SV2C: variants seen among roughly 807,000 people sequenced by gnomAD.
SV2C encodes synaptic vesicle glycoprotein 2C, also known as solute carrier family 22 member B3.
SV2C carries 49 observed loss-of-function variants against 79.7 expected under a neutral mutation model. The observed-to-expected ratio is 0.61, with a 90% confidence interval of 0.49 to 0.78. The LOEUF (loss-of-function observed/expected upper bound fraction) is 0.78, where lower values mean the gene tolerates loss of function less well. Among genes scored for constraint, SV2C ranks in the 30% least tolerant of loss-of-function variants. The pLI is 0.00. For missense variants in SV2C, 833 were observed against 912.9 expected, an observed-to-expected ratio of 0.91 and a Z score of 1.13; for synonymous variants, 334 against 333.2, an observed-to-expected ratio of 1.00 and a Z score of -0.03.
At chr5:75,858,896 C>T in the SV2C span, among the ~76,000 whole-genome samples, 2 of 152,008 alleles carry the variant, frequency 1.3e-5, no homozygotes, top group African/African-American at 4.8e-5. Context: ...TCATAGTAGT[C>T]TCTAAATGAT....
chr5:75,976,596 C>T, the SV2C span, among the ~76,000 whole-genome samples: 1 of 151,812 alleles, frequency 6.6e-6, no homozygotes, highest in Non-Finnish European at 1.5e-5. Flanking sequence ...AGCAACATGA[C>T]CAATTGAAGA....
intron 4 of SV2C, among the ~76,000 whole-genome samples, chr5:76,279,595 G>A (rs1747121604): frequency 6.6e-6 from 1 of 152,226 alleles, no homozygotes; most frequent in Admixed American, 6.5e-5. Flanking sequence ...ATATGACAAA[G>A]ACTGGTGGCC....
At chr5:76,249,132 G>C (rs930940526) in intron 4 of SV2C, among the ~76,000 whole-genome samples, 2 of 152,118 alleles carry the variant, frequency 1.3e-5, no homozygotes, top group Non-Finnish European at 2.9e-5. Context: ...AAGAGACAAG[G>C]AGAAAAGACT....
chr5:76,022,277 C>A, the SV2C span, among the ~76,000 whole-genome samples: 1 of 152,188 alleles, frequency 6.6e-6, no homozygotes, highest in African/African-American at 2.4e-5. Context: ...TACCTGACTG[C>A]CCATGAGTGA....
chr5:76,074,064 C>T, the SV2C span, among the ~76,000 whole-genome samples: 3 of 152,140 alleles, frequency 2.0e-5, no homozygotes, highest in Non-Finnish European at 4.4e-5. Flanking sequence ...TGGGTCAAAC[C>T]ATCCTGGCCT....
the SV2C span, among the ~76,000 whole-genome samples, chr5:76,046,147 A>G: frequency 1.3e-5 from 2 of 152,208 alleles, no homozygotes; most frequent in African/African-American, 4.8e-5. Context: ...AGTGTCTTCT[A>G]TAAGTCAGGC....
chr5:75,976,275 C>G, the SV2C span, among the ~76,000 whole-genome samples: 9 of 152,238 alleles, frequency 5.9e-5, no homozygotes, highest in African/African-American at 2.2e-4. Flanking sequence ...TATTCATTCT[C>G]TCTCTCACTC....
the SV2C span, among the ~76,000 whole-genome samples, chr5:76,029,461 G>C: frequency 6.7e-6 from 1 of 149,576 alleles, no homozygotes; most frequent in East Asian, 1.9e-4. Context: ...TCATTGAATA[G>C]ACATGAGGTG....
the SV2C span, among the ~76,000 whole-genome samples, chr5:75,889,125 T>C: frequency 6.6e-6 from 1 of 152,116 alleles, no homozygotes; most frequent in Non-Finnish European, 1.5e-5. Context: ...CTGGGATACA[T>C]GTGCAGAACA....
intron 4 of SV2C, among the ~76,000 whole-genome samples, chr5:76,271,446 A>C (rs1195969498): frequency 6.6e-6 from 1 of 152,222 alleles, no homozygotes; most frequent in Non-Finnish European, 1.5e-5. Context: ...AGATGATTTG[A>C]ACAACACAAT....
chr5:76,235,578 C>T (rs11952928), intron 4 of SV2C, among the ~76,000 whole-genome samples: 17,928 of 151,956 alleles, frequency 0.12, 3,076 homozygotes, highest in African/African-American at 0.38. Context: ...GTAGTGTGGC[C>T]GAAACTCAGA....
chr5:76,051,986 T>A, the SV2C span, among the ~76,000 whole-genome samples: 1 of 152,162 alleles, frequency 6.6e-6, no homozygotes, highest in Non-Finnish European at 1.5e-5. Flanking sequence ...ATAGATCAAT[T>A]TATTTTATCT....
the SV2C span, among the ~76,000 whole-genome samples, chr5:75,989,117 C>T: frequency 2.0e-5 from 3 of 151,888 alleles, no homozygotes; most frequent in African/African-American, 7.2e-5. Context: ...AGTTTTCCCA[C>T]TTTCCAATAA....
chr5:75,893,136 A>G, the SV2C span, among the ~76,000 whole-genome samples: 1 of 152,124 alleles, frequency 6.6e-6, no homozygotes, highest in Non-Finnish European at 1.5e-5. Flanking sequence ...GTAAGATGGT[A>G]TCTCATTGTG....
At chr5:76,011,540 G>A in the SV2C span, among the ~76,000 whole-genome samples, 1 of 151,996 alleles carries the variant, frequency 6.6e-6, no homozygotes. Flanking sequence ...AATATTTTAT[G>A]TTCCTTTATT....
chr5:76,005,976 T>G, the SV2C span, among the ~76,000 whole-genome samples: 2 of 152,188 alleles, frequency 1.3e-5, no homozygotes, highest in Non-Finnish European at 2.9e-5. Context: ...GTGTGCATGT[T>G]GGTAATACTA....
intron 6 of SV2C, among the ~76,000 whole-genome samples, chr5:76,288,328 C>T (rs1469085908): frequency 1.3e-5 from 2 of 152,090 alleles, no homozygotes; most frequent in African/African-American, 4.8e-5. Flanking sequence ...TGCAATTTGG[C>T]CTCTATCCAA....
At chr5:76,146,797 T>TAAAAAAA (rs34569063) in intron 2 of SV2C, among the ~76,000 whole-genome samples, 18 of 39,320 alleles carry the variant, frequency 4.6e-4, no homozygotes, top group Admixed American at 1.5e-3. Context: ...AGTTTTTTTT[T>TAAAAAAA]AAAAAAAAAA....
chr5:76,154,003 C>G (rs1234249127), intron 2 of SV2C, among the ~76,000 whole-genome samples: 1 of 152,178 alleles, frequency 6.6e-6, no homozygotes, highest in African/African-American at 2.4e-5. Context: ...GGTAAGGAGA[C>G]TCATCAGTGA....
Sources: gnomAD v4.1 joint callset for allele counts (sites outside exome capture counted in the v4.1 genomes callset) on GRCh38, gnomAD v4.1.1 for gene constraint, MANE v1.5 for transcripts, NCBI Gene and HGNC (gene_info 2026-07-23, HGNC 2026-07-21) for gene names.